Variants in KIAA1143 observed in about 807,000 individuals in gnomAD.
The protein encoded by KIAA1143 is uncharacterized protein KIAA1143.
Under a neutral mutation model 17.0 loss-of-function variants are expected in KIAA1143, and 8 were observed. That is an observed-to-expected ratio of 0.47 (90% confidence interval 0.28 to 0.85). The LOEUF (loss-of-function observed/expected upper bound fraction) is 0.85, where lower values mean the gene tolerates loss of function less well. Ranked by LOEUF, KIAA1143 falls within the 40% of genes least tolerant of loss-of-function variation. KIAA1143 has a pLI of 0.12. For synonymous variants in KIAA1143, 64 were observed against 67.8 expected, an observed-to-expected ratio of 0.94 and a Z score of 0.27; for missense variants, 162 against 183.3, an observed-to-expected ratio of 0.88 and a Z score of 0.67.
chr3:44,754,091 T>C (rs1704930800), intron 2 of KIAA1143, 133 bp downstream of exon 2: 2 of 787,344 alleles, frequency 2.5e-6, no homozygotes, highest in Non-Finnish European at 4.1e-6. Flanking sequence ...GTTACACATC[T>C]GGTAAGTGTC....
Position 44,751,587 on chromosome 3 carries a change from C to G in KIAA1143, c.*1754G>C, listed in dbSNP as rs1575557327. ...ATTAGTAAGGGACACCACCTGAAAA[C>G]TAGCTGACTGGGCCTCTAAAATATG... On this transcript the variant is annotated 3_prime_UTR_variant, in exon 3 of 3. Transcript: ENST00000296121. 6.6e-6 allele frequency: 1 copy of G among 152,172 alleles called. No individual in the cohort carries two copies. The highest frequency in any genetic ancestry group is 1.5e-5 in the Non-Finnish European group (1 of 68,028). The allele number at this position is 152,172 out of a possible 1,614,324, so 9.4% of individuals were successfully genotyped here.
intron 1 of KIAA1143, among the ~76,000 whole-genome samples, chr3:44,760,479 T>TC (rs112817864): frequency 0.033 from 5,075 of 152,270 alleles, 272 homozygotes; most frequent in African/African-American, 0.11. Context: ...AAGCTCCTCC[T>TC]CCTGGGTTCA....
chr3:44,753,535 C>G lies in KIAA1143; in HGVS notation c.271G>C (p.Ala91Pro), dbSNP rs1704923186. ...TTTCGATATATGATTCTTCCATCGG[C>G]TGGAGTTGGTTCTTCATCTGAGCAA... ...AAKADEEPTP[A>P]DGRIIYRKPV... The change falls in exon 3 of 3, where the codon GCC becomes CCC. Residue 91 changes from alanine to proline, a missense_variant. Coordinates refer to ENST00000296121, the MANE Select transcript of KIAA1143 (RefSeq NM_020696.4). The G allele has an allele frequency of 1.9e-6, 3 of 1,611,410 alleles. No individual in the cohort carries two copies. The highest frequency in any genetic ancestry group is 2.5e-6 in the Non-Finnish European group (3 of 1,178,166).
chr3:44,757,498 G>C (rs1169867810), intron 1 of KIAA1143, among the ~76,000 whole-genome samples: 2 of 152,156 alleles, frequency 1.3e-5, no homozygotes, highest in Non-Finnish European at 1.5e-5. Flanking sequence ...AGTCTAACCT[G>C]ATAACAGCAC....
At chr3:44,756,159 C>A (rs1292573801) in intron 1 of KIAA1143, among the ~76,000 whole-genome samples, 1 of 152,170 alleles carries the variant, frequency 6.6e-6, no homozygotes. Flanking sequence ...ACTCTCTTCT[C>A]TTTTTTTCTT....
chr3:44,758,424 A>T (rs1411912299), intron 1 of KIAA1143, among the ~76,000 whole-genome samples: 1 of 152,218 alleles, frequency 6.6e-6, no homozygotes, highest in Non-Finnish European at 1.5e-5. Context: ...TGCTTTACCA[A>T]GTAAGTTTAT....
intron 1 of KIAA1143, among the ~76,000 whole-genome samples, chr3:44,758,800 C>T (rs920740244): frequency 9.2e-5 from 14 of 151,860 alleles, no homozygotes; most frequent in Non-Finnish European, 1.5e-4. Flanking sequence ...TTTCAATTTA[C>T]AATATCCAGA....
rs985815538 is a variant in KIAA1143 at position 44,748,832 on chromosome 3, G to A, written c.*4509C>T. On this transcript the variant is annotated 3_prime_UTR_variant, in exon 3 of 3. Coordinates refer to ENST00000296121, the MANE Select transcript of KIAA1143 (RefSeq NM_020696.4). ...CAGTGGTGAATAACACAAACTCCATGCTTTCAAGATTCCCACACCCAGATA... is the reference window on the plus strand; with the variant it reads ...CAGTGGTGAATAACACAAACTCCATACTTTCAAGATTCCCACACCCAGATA... 3.9e-5 allele frequency: 6 copies of A among 152,116 alleles called. No homozygotes were observed. The highest frequency in any genetic ancestry group is 7.3e-5 in the Non-Finnish European group (5 of 68,034). 9.4% of individuals were successfully genotyped at this position (152,116 alleles called of 1,614,324 possible). A position where few individuals can be genotyped will look rare whatever the true frequency, so the allele number is the denominator to read the frequency against.
Position 44,754,283 on chromosome 3 carries a change from C to T in KIAA1143, c.194G>A (p.Gly65Glu), listed in dbSNP as rs1704933817. The change falls in exon 2 of 3, where the codon GGA becomes GAA. Residue 65 changes from glycine to glutamate, a missense_variant. Physicochemically the swap from Gly to Glu is moderately conservative, Grantham distance 98. Around this residue, in one of 2 missense-constraint regions of KIAA1143, gnomAD observed 137 missense variants for 132.5 expected, o/e 1.03. Coordinates refer to ENST00000296121, the MANE Select transcript of KIAA1143 (RefSeq NM_020696.4). Reference protein sequence around the residue: ...EQPQVVVLKKGDLSVEEVMKI... With the variant: ...EQPQVVVLKKEDLSVEEVMKI... The stretch of plus-strand genomic sequence containing the variant: ...CATGACTTCTTCAACTGACAGGTCT[C>T]CCTTTTTTAAAACCACCACTTGAGG... 1 of 1,614,102 alleles carries T rather than the reference C, an allele frequency of 6.2e-7. No individual in the cohort carries two copies. Among genetic ancestry groups the T allele is most frequent in the East Asian group, 2.2e-5 (1 of 44,878 alleles).
intron 1 of KIAA1143, among the ~76,000 whole-genome samples, chr3:44,757,902 C>T (rs1705000555): frequency 1.3e-5 from 2 of 152,144 alleles, no homozygotes; most frequent in African/African-American, 4.8e-5. Flanking sequence ...CAGACCACCA[C>T]AACAAAGCAA....
Position 44,760,515 on chromosome 3 carries a change from G to A in KIAA1143, c.108+980C>T, listed in dbSNP as rs183357693. 9.1e-3 allele frequency among the ~76,000 whole-genome samples: 1,377 copies of A among 151,796 alleles called. 21 individuals are homozygous for A. Among genetic ancestry groups the A allele is most frequent in the African/African-American group, 0.03 (1,253 of 41,380 alleles). Reference sequence around the variant, plus strand: ...CGCCATTCTCCTGCCTCAGCCTCCCGAGTAGCTGGGACTACAGGCGCCCGC... The same window carrying A: ...CGCCATTCTCCTGCCTCAGCCTCCCAAGTAGCTGGGACTACAGGCGCCCGC... On this transcript the variant is annotated intron_variant, in intron 1 of 2. Transcript: ENST00000296121.
At chr3:44,760,801 G>A (rs183123743) in intron 1 of KIAA1143, among the ~76,000 whole-genome samples, 1 of 151,426 alleles carries the variant, frequency 6.6e-6, no homozygotes, top group East Asian at 2.0e-4. Flanking sequence ...TTCTGTCTCA[G>A]CCTCCGGAGT....
In KIAA1143 at chr3:44,753,245, A is replaced by G. The variant is rs1165653540; in HGVS notation, c.*96T>C. 7.0e-6 allele frequency: 6 copies of G among 859,896 alleles called. No homozygotes were observed. The highest frequency in any genetic ancestry group is 7.2e-6 in the Non-Finnish European group (4 of 556,950). 53.3% of individuals were successfully genotyped at this position (859,896 alleles called of 1,614,324 possible). A position where few individuals can be genotyped will look rare whatever the true frequency, so the allele number is the denominator to read the frequency against. On this transcript the variant is annotated 3_prime_UTR_variant, in exon 3 of 3. Coordinates refer to ENST00000296121, the MANE Select transcript of KIAA1143 (RefSeq NM_020696.4). Reference sequence around the variant, plus strand: ...TTTTTCTCTATTTCCTAAACTTTCTATAAAGAACTTGTAGTATCTTTATAA... The same window carrying G: ...TTTTTCTCTATTTCCTAAACTTTCTGTAAAGAACTTGTAGTATCTTTATAA...
At chr3:44,759,894 C>CAAAAAAAAGAA (rs1705040202) in intron 1 of KIAA1143, among the ~76,000 whole-genome samples, 1 of 51,102 alleles carries the variant, frequency 2.0e-5, no homozygotes, top group African/African-American at 7.0e-5. Flanking sequence ...GACCCTATCT[C>CAAAAAAAAGAA]AAAAAAAAAA....
chr3:44,761,485 G>A lies in KIAA1143; in HGVS notation c.108+10C>T, dbSNP rs1361284554. The A allele has an allele frequency of 1.9e-6, 3 of 1,604,142 alleles. No individual in the cohort carries two copies. The highest frequency in any genetic ancestry group is 2.7e-5 in the African/African-American group (2 of 74,592). On this transcript the variant is annotated intron_variant, in intron 1 of 2. Transcript: ENST00000296121. ...GCGCTTCCGAAGAAACACGACTGGC[G>A]AAGGCTCACCTTAGTCTCTACGGTG... is the stretch of plus-strand genomic sequence containing the variant.
intron 1 of KIAA1143, among the ~76,000 whole-genome samples, chr3:44,760,536 C>G (rs1285807620): frequency 6.6e-6 from 1 of 151,326 alleles, no homozygotes; most frequent in Non-Finnish European, 1.5e-5. Flanking sequence ...ACTACAGGCG[C>G]CCGCCACCAT....
chr3:44,761,020 A>G (rs1469245709), intron 1 of KIAA1143, among the ~76,000 whole-genome samples: 1 of 152,114 alleles, frequency 6.6e-6, no homozygotes. Flanking sequence ...TTTATTTTTA[A>G]TTAACAAAGC....
intron 2 of KIAA1143, 36 bp downstream of exon 2, chr3:44,754,188 A>G: frequency 6.2e-7 from 1 of 1,605,830 alleles, no homozygotes; most frequent in South Asian, 1.1e-5. Context: ...TGGGCTCCTT[A>G]AATTGTTAGA....
At position 44,751,902 on chromosome 3, in the gene KIAA1143, A is replaced by T. The variant is rs1373104375; in HGVS notation, c.*1439T>A. 6.6e-6 allele frequency: 1 copy of T among 152,182 alleles called. No homozygotes were observed. Among genetic ancestry groups the T allele is most frequent in the Non-Finnish European group, 1.5e-5 (1 of 68,042 alleles). The allele number at this position is 152,182 out of a possible 1,614,324, so 9.4% of individuals were successfully genotyped here. A position where few individuals can be genotyped will look rare whatever the true frequency, so the allele number is the denominator to read the frequency against. On this transcript the variant is annotated 3_prime_UTR_variant, in exon 3 of 3. Transcript: ENST00000296121. ...CTCCAATAGGTAGGGACTGTGTCCC[A>T]AGTTAGCATGAAGCAGTTACAGAAG...
Sources: gnomAD v4.1 joint callset for allele counts (sites outside exome capture counted in the v4.1 genomes callset) on GRCh38, gnomAD v4.1.1 for gene constraint, gnomAD v4.1.1 regional missense constraint, MANE v1.5 for transcripts, NCBI Gene and HGNC (gene_info 2026-07-23, HGNC 2026-07-21) for gene names.